Variants in PLEKHM1 observed in about 807,000 individuals in gnomAD.
PLEKHM1 encodes pleckstrin homology domain-containing family M member 1.
Under a neutral mutation model 94.3 loss-of-function variants are expected in PLEKHM1, and 28 were observed. The ratio of observed to expected loss-of-function variants is 0.30; its 90% CI spans 0.22 to 0.41. The LOEUF is 0.41. PLEKHM1 is among the 10% of genes least tolerant of loss of function. The pLI is 1.00. For missense variants in PLEKHM1, 907 were observed against 1,358.6 expected, an observed-to-expected ratio of 0.67 and a Z score of 5.22; for synonymous variants, 424 against 581.2, an observed-to-expected ratio of 0.73 and a Z score of 3.89.
At chr17:45,487,635 G>C in intron 1 of PLEKHM1, 1 of 451,360 alleles carries the variant, frequency 2.2e-6, no homozygotes, top group South Asian at 1.6e-5. Flanking sequence ...TTGGTTTCCT[G>C]CATTATACTG....
At chr17:45,474,058 A>T (rs1253956964) in intron 4 of PLEKHM1, among the ~76,000 whole-genome samples, 2 of 145,060 alleles carry the variant, frequency 1.4e-5, no homozygotes, top group African/African-American at 5.0e-5. Flanking sequence ...TTATTTATTT[A>T]TTTATTTTTT....
At chr17:45,464,219 G>A (rs566943057) in intron 5 of PLEKHM1, among the ~76,000 whole-genome samples, 1 of 152,310 alleles carries the variant, frequency 6.6e-6, no homozygotes, top group South Asian at 2.1e-4. Context: ...TAATTATGAT[G>A]TGGATAATCA....
intron 1 of PLEKHM1, among the ~76,000 whole-genome samples, chr17:45,488,532 C>A (rs2052201807): frequency 6.6e-6 from 1 of 152,130 alleles, no homozygotes. Flanking sequence ...AGGCTGAAAA[C>A]AACTTAAATA....
intron 2 of PLEKHM1, among the ~76,000 whole-genome samples, chr17:45,482,133 C>A (rs2051973104): frequency 6.6e-6 from 1 of 150,918 alleles, no homozygotes; most frequent in East Asian, 2.0e-4. Context: ...GTTTCCCACC[C>A]ATTCAGTGCT....
chr17:45,463,880 A>C (rs2051234770), intron 5 of PLEKHM1: 1 of 152,266 alleles, frequency 6.6e-6, no homozygotes, highest in South Asian at 2.1e-4. Flanking sequence ...GGCTCATGAC[A>C]CCATATACAA....
chr17:45,440,305 T>G (rs2050407782), intron 9 of PLEKHM1, 79 bp from the exon 10 acceptor site: 1 of 1,395,472 alleles, frequency 7.2e-7, no homozygotes, highest in East Asian at 2.3e-5. Context: ...TACACTCCCC[T>G]GGCGCTGCTC....
intron 7 of PLEKHM1, among the ~76,000 whole-genome samples, chr17:45,452,638 C>T (rs1257361881): frequency 6.6e-6 from 1 of 151,682 alleles, no homozygotes; most frequent in Non-Finnish European, 1.5e-5. Flanking sequence ...CAGTGCCCAG[C>T]ACAGAAGTAT....
chr17:45,469,035 C>T (rs2051415317), intron 4 of PLEKHM1, among the ~76,000 whole-genome samples: 2 of 148,284 alleles, frequency 1.3e-5, no homozygotes, highest in African/African-American at 4.9e-5. Flanking sequence ...TGCCCTGGGG[C>T]AGGGACTAGG....
Position 45,436,444 on chromosome 17 carries a change from C to A in PLEKHM1, c.*1414G>T, listed in dbSNP as rs1048366424. On this transcript the variant is annotated 3_prime_UTR_variant, in exon 12 of 12. Transcript: ENST00000430334. ...CAAGGCTGGGTGGGTGACTCAGCAG[C>A]TAATCGCCCCCAGGGAAGGGTGGGG... The A allele has an allele frequency of 2.2e-6, 1 of 452,836 alleles. No homozygotes were observed. Among genetic ancestry groups the A allele is most frequent in the African/African-American group, 2.0e-5 (1 of 49,980 alleles). 28.1% of individuals were successfully genotyped at this position (452,836 alleles called of 1,614,324 possible).
chr17:45,489,688 G>A (rs2868673), intron 1 of PLEKHM1, among the ~76,000 whole-genome samples: 6 of 152,154 alleles, frequency 3.9e-5, no homozygotes, highest in South Asian at 2.1e-4. Context: ...CCCTGCACCC[G>A]CCAATCATGC....
intron 6 of PLEKHM1, chr17:45,454,516 C>T (rs182735729): frequency 3.2e-6 from 2 of 616,220 alleles, no homozygotes; most frequent in Admixed American, 5.0e-5. Flanking sequence ...CCCAAAAGAT[C>T]CCCTCCACAC....
chr17:45,439,560 G>T lies in PLEKHM1; in HGVS notation c.2976C>A (p.Asp992Glu). 6.2e-7 allele frequency: 1 copy of T among 1,614,226 alleles called. No homozygotes were observed. Among genetic ancestry groups the T allele is most frequent in the African/African-American group, 1.3e-5 (1 of 75,060 alleles). ...AGATGAAGCCGCGCTGGGTGCACAG[G>T]TCGCAGTGGTAGACATGCTGGGAGG... is the stretch of plus-strand genomic sequence containing the variant. ...EFASQHVYHCDLCTQRGFICQ... is the reference protein window; with the variant it reads ...EFASQHVYHCELCTQRGFICQ... Residue 992 changes from aspartate (D) to glutamate (E), a missense_variant, in exon 11 of 12, where the codon GAC (aspartate) becomes GAA (glutamate). Transcript: ENST00000430334.
At position 45,456,915 on chromosome 17, in the gene PLEKHM1, C is replaced by G. The variant is rs549775153; in HGVS notation, c.1579+1254G>C. On this transcript the variant is annotated intron_variant, in intron 6 of 11. Transcript: ENST00000430334. ...GCACTGGGGAGGTCGGGCATAGTGG[C>G]TCACACCTGTAATCCCAGCACTTTT... Among the ~76,000 whole-genome samples, 5 of 152,318 alleles carry G rather than the reference C, an allele frequency of 3.3e-5. No individual in the cohort carries two copies. In the East Asian group the frequency reaches 9.6e-4, roughly 29 times the overall value.
rs1051221471 is a variant in PLEKHM1 at position 45,477,880 on chromosome 17, C to T, written c.296+20G>A. On this transcript the variant is annotated intron_variant, in intron 3 of 11. Transcript: ENST00000430334. ...TCTGCTGCTCCTCCGCAAAGCAAAA[C>T]CTCTCCAGCTAAATCTCACTTGTGG... The T allele has an allele frequency of 6.2e-7, 1 of 1,613,212 alleles. No individual in the cohort carries two copies. Among genetic ancestry groups the T allele is most frequent in the Non-Finnish European group, 8.5e-7 (1 of 1,179,720 alleles).
chr17:45,457,303 C>T (rs2050990038), intron 6 of PLEKHM1, among the ~76,000 whole-genome samples: 2 of 152,020 alleles, frequency 1.3e-5, no homozygotes, highest in South Asian at 4.1e-4. Flanking sequence ...TGGCTCATGC[C>T]TGTAATCCCA....
At chr17:45,458,629 C>G (rs1369273450) in intron 5 of PLEKHM1, among the ~76,000 whole-genome samples, 190 bp from the exon 6 acceptor site, 2 of 152,050 alleles carry the variant, frequency 1.3e-5, no homozygotes, top group Non-Finnish European at 2.9e-5. Context: ...CACCACCATG[C>G]CCAGCTAATT....
At chr17:45,490,340 C>G (rs936043083) in intron 1 of PLEKHM1, among the ~76,000 whole-genome samples, 1 of 151,678 alleles carries the variant, frequency 6.6e-6, no homozygotes, top group Admixed American at 6.6e-5. Flanking sequence ...TGGCCGAGAT[C>G]GGTGTTGGAA....
chr17:45,454,220 C>G lies in PLEKHM1; in HGVS notation c.1632G>C (p.Arg544=), dbSNP rs535385252. Residue 544 remains arginine (R), a synonymous_variant, in exon 7 of 12, where the codon CGG becomes CGC. Transcript: ENST00000430334. ...GLMKLGTVER[R]GAMGIWKELF... Reference sequence around the variant, plus strand: ...GCTCCTTCCAGATGCCCATTGCCCCCCGCCGCTCCACGGTGCCCAGCTTCA... The same window carrying G: ...GCTCCTTCCAGATGCCCATTGCCCCGCGCCGCTCCACGGTGCCCAGCTTCA... The G allele has an allele frequency of 2.5e-6, 4 of 1,611,200 alleles. No homozygotes were observed. The South Asian group carries it at 4.4e-5, about 18-fold the overall frequency.
chr17:45,443,368 G>A (rs565107956), intron 9 of PLEKHM1, among the ~76,000 whole-genome samples: 1 of 152,184 alleles, frequency 6.6e-6, no homozygotes, highest in East Asian at 1.9e-4. Context: ...TTTATAGACG[G>A]GAAAGCTGGA....
Sources: gnomAD v4.1 joint callset for allele counts (sites outside exome capture counted in the v4.1 genomes callset) on GRCh38, gnomAD v4.1.1 for gene constraint, MANE v1.5 for transcripts, NCBI Gene and HGNC (gene_info 2026-07-23, HGNC 2026-07-21) for gene names.